OTOGL: variants seen among roughly 807,000 people sequenced by gnomAD.
OTOGL encodes otogelin-like protein.
In OTOGL, 285 loss-of-function variants were observed where a neutral mutation model predicts 318.5. That is an observed-to-expected ratio of 0.89 (90% CI 0.81 to 0.99). The LOEUF is 0.99. Among genes scored for constraint, OTOGL ranks in the 50% least tolerant of loss-of-function variants. The pLI is 0.00. For missense variants in OTOGL, 2,899 were observed against 2,845.6 expected (o/e 1.02, Z -0.43); for synonymous variants, 987 against 936.5 (o/e 1.05, Z -0.99).
intron 9 of OTOGL, among the ~76,000 whole-genome samples, chr12:80,234,537 T>A (rs369741984): frequency 1.3e-5 from 2 of 152,178 alleles, no homozygotes; most frequent in African/African-American, 4.8e-5. Flanking sequence ...TTTAAAGATA[T>A]AATAAGAGCA....
intron 1 of OTOGL, among the ~76,000 whole-genome samples, chr12:80,199,804 T>C (rs1876335347): frequency 6.6e-6 from 1 of 152,192 alleles, no homozygotes; most frequent in African/African-American, 2.4e-5. Context: ...GAAAGCCAGA[T>C]GCTGGATGCT....
rs534244795 is a variant in OTOGL at position 80,319,695 on chromosome 12, A to G, written c.3803-727A>G. Among the ~76,000 whole-genome samples the G allele has an allele frequency of 6.6e-5, 10 of 152,312 alleles. 1 individual carries two copies. The South Asian group carries it at 2.1e-3, about 32-fold the overall frequency. ...TAATAACTAATGATTTTACTAGAAA[A>G]AATCCAAATAATGTTTATTGAAGAA... On this transcript the variant is annotated intron_variant, in intron 33 of 58. Transcript: ENST00000547103.
intron 1 of OTOGL, among the ~76,000 whole-genome samples, chr12:80,187,906 C>G (rs1031982159): frequency 6.6e-6 from 1 of 152,150 alleles, no homozygotes; most frequent in Non-Finnish European, 1.5e-5. Context: ...GAGAAGGTCA[C>G]CGGATTGCTG....
At chr12:80,144,826 A>T (rs1872225889) in intron 1 of OTOGL, among the ~76,000 whole-genome samples, 1 of 151,976 alleles carries the variant, frequency 6.6e-6, no homozygotes, top group Non-Finnish European at 1.5e-5. Flanking sequence ...GCATTTTTTC[A>T]TATGTTTTTT....
chr12:80,179,000 T>C (rs537163459), intron 1 of OTOGL, among the ~76,000 whole-genome samples: 4 of 152,250 alleles, frequency 2.6e-5, no homozygotes, highest in African/African-American at 9.6e-5. Flanking sequence ...TACTGACACA[T>C]TGAAGCTTTC....
intron 4 of OTOGL, among the ~76,000 whole-genome samples, chr12:80,217,275 CG>C (rs1877825520): frequency 7.9e-6 from 1 of 126,688 alleles, no homozygotes; most frequent in South Asian, 2.9e-4. Context: ...GTGGAGGGAT[CG>C]GGGGCTGGGG....
intron 1 of OTOGL, among the ~76,000 whole-genome samples, chr12:80,108,875 T>C (rs1869644161): frequency 7.1e-6 from 1 of 140,966 alleles, no homozygotes; most frequent in Non-Finnish European, 1.5e-5. Context: ...TATATGTGTA[T>C]ATATGTGTAT....
rs139721094 is a variant in OTOGL at position 80,287,946 on chromosome 12, C to T, written c.2928+8780C>T. Among the ~76,000 whole-genome samples, 1,423 of 152,200 alleles carry T rather than the reference C, an allele frequency of 9.3e-3. 2 individuals carry two copies. The highest frequency in any genetic ancestry group is 0.014 in the Non-Finnish European group (943 of 67,994). ...TGAATTTGATCCTGTCATCATGATG[C>T]TAGCTGGTTATTCTGCACATTAGTT... On this transcript the variant is annotated intron_variant, in intron 26 of 58. Coordinates refer to ENST00000547103, the MANE Select transcript of OTOGL (RefSeq NM_001378609.3).
intron 1 of OTOGL, among the ~76,000 whole-genome samples, chr12:80,109,736 G>GC (rs1173618621): frequency 3.3e-5 from 5 of 152,176 alleles, no homozygotes; most frequent in Non-Finnish European, 7.3e-5. Flanking sequence ...TGCCTAGAAG[G>GC]ATAACTGGAA....
chr12:80,143,664 G>T (rs188290836), intron 1 of OTOGL, among the ~76,000 whole-genome samples: 57 of 152,246 alleles, frequency 3.7e-4, no homozygotes, highest in Admixed American at 1.9e-3. Context: ...CATTTCAGAG[G>T]TGTTTGTTTT....
intron 29 of OTOGL, among the ~76,000 whole-genome samples, chr12:80,310,404 A>C (rs1269161252): frequency 6.6e-6 from 1 of 152,260 alleles, no homozygotes; most frequent in Non-Finnish European, 1.5e-5. Context: ...TAATATTGCT[A>C]TGATTTTAAT....
intron 23 of OTOGL, 33 bp downstream of exon 23, chr12:80,270,187 G>A (rs1035146828): frequency 6.5e-7 from 1 of 1,542,278 alleles, no homozygotes; most frequent in East Asian, 2.3e-5. Flanking sequence ...CCTGAATGAG[G>A]GTTCAGCTCT....
chr12:80,320,576 T>G lies in OTOGL; in HGVS notation c.3957T>G (p.Gly1319=). The G allele has an allele frequency of 6.2e-7, 1 of 1,613,406 alleles. No homozygotes were observed. The highest frequency in any genetic ancestry group is 1.7e-5 in the Admixed American group (1 of 59,888). ...ACCATCAGGGCCTCTGGATTCCTGG[T>G]TACAGTGCATTTGAGTTATACAGCA... ...FFHHQGLWIP[G]YSAFELYSKK... The change falls in exon 34 of 59, where the codon GGT becomes GGG. Residue 1319 remains glycine, a synonymous_variant. Transcript: ENST00000547103.
Position 80,358,316 on chromosome 12 carries a change from A to G in OTOGL, c.6088A>G (p.Ser2030Gly). 6.2e-7 allele frequency: 1 copy of G among 1,608,890 alleles called. No individual in the cohort carries two copies. The highest frequency in any genetic ancestry group is 1.1e-5 in the South Asian group (1 of 90,562). Reference sequence around the variant, plus strand: ...GGAATTTCTCACAGTAGATCTTAATAGCACACACTTCTGTTGTCCTCAGTA... The same window carrying G: ...GGAATTTCTCACAGTAGATCTTAATGGCACACACTTCTGTTGTCCTCAGTA... ...DGEFLTVDLNSTHFCCPQYYC... is the reference protein window; with the variant it reads ...DGEFLTVDLNGTHFCCPQYYC... Residue 2030 changes from serine (S) to glycine (G), a missense_variant, in exon 50 of 59, where the codon AGC becomes GGC. This residue lies in a region of OTOGL where 2,607 missense variants were observed against 2,524.9 expected (regional missense o/e 1.03). Coordinates refer to ENST00000547103, the MANE Select transcript of OTOGL (RefSeq NM_001378609.3).
intron 15 of OTOGL, 49 bp from the exon 16 acceptor site, chr12:80,254,987 CCTCT>C: frequency 7.4e-7 from 1 of 1,352,034 alleles, no homozygotes; most frequent in South Asian, 1.8e-5. Flanking sequence ...TCTCTCTCCT[CCTCT>C]ATCTCCACCT....
chr12:80,370,855 G>T, intron 56 of OTOGL, 166 bp downstream of exon 56: 1 of 500,176 alleles, frequency 2.0e-6, no homozygotes, highest in Non-Finnish European at 3.1e-6. Flanking sequence ...TTGAAATTTT[G>T]AGTTATATAC....
At chr12:80,345,234 TATATA>T in intron 44 of OTOGL, among the ~76,000 whole-genome samples, 1 of 139,568 alleles carries the variant, frequency 7.2e-6, no homozygotes, top group Non-Finnish European at 1.5e-5. Context: ...ATATTATATA[TATATA>T]TTTTTTTGAA....
intron 1 of OTOGL, among the ~76,000 whole-genome samples, chr12:80,150,041 A>T (rs1341873020): frequency 6.6e-6 from 1 of 152,152 alleles, no homozygotes; most frequent in Non-Finnish European, 1.5e-5. Context: ...GGAGCTGTAG[A>T]CCGGAGCTGT....
intron 1 of OTOGL, among the ~76,000 whole-genome samples, chr12:80,182,051 C>G (rs893062253): frequency 6.6e-6 from 1 of 152,044 alleles, no homozygotes; most frequent in Non-Finnish European, 1.5e-5. Context: ...CCTGTAGTCC[C>G]AGCTACTCAG....
Sources: gnomAD v4.1 joint callset for allele counts (sites outside exome capture counted in the v4.1 genomes callset) on GRCh38, gnomAD v4.1.1 for gene constraint, gnomAD v4.1.1 regional missense constraint, MANE v1.5 for transcripts, NCBI Gene and HGNC (gene_info 2026-07-23, HGNC 2026-07-21) for gene names.